The following NRG1 variants were observed in gnomAD, a reference collection of about 807,000 sequenced individuals.
The protein encoded by NRG1 is neuregulin 1, also known as pro-neuregulin-1, membrane-bound isoform.
A neutral mutation model predicts 63.8 loss-of-function variants in NRG1; 18 were observed. The ratio of observed to expected loss-of-function variants is 0.28; its 90% CI spans 0.19 to 0.42. The LOEUF is 0.42. Ranked by LOEUF, NRG1 falls within the 10% of genes least tolerant of loss-of-function variation. The pLI, the probability that NRG1 is intolerant of heterozygous loss-of-function variation, is 1.00. For synonymous variants in NRG1, 302 were observed against 301.3 expected (o/e 1.00, Z -0.02); for missense variants, 762 against 814.7 (o/e 0.94, Z 0.79).
chr8:32,314,845 C>A (rs1407824335), intron 1 of NRG1, among the ~76,000 whole-genome samples: 2 of 152,146 alleles, frequency 1.3e-5, no homozygotes, highest in Non-Finnish European at 2.9e-5. Context: ...CTCTATGCCC[C>A]AGCGATGCCA....
At chr8:32,180,653 A>G (rs1345105066) in intron 1 of NRG1, among the ~76,000 whole-genome samples, 1 of 152,090 alleles carries the variant, frequency 6.6e-6, no homozygotes, top group East Asian at 1.9e-4. Flanking sequence ...AAACATATAT[A>G]TGTATATTTA....
chr8:32,109,862 G>A lies in NRG1; in HGVS notation c.37+470431G>A, dbSNP rs539401095. ...TTATATTTTACTAGGTTTATTAGTT[G>A]CAGTCTCAGCCTCTAGGTTGCTAGA... On this transcript the variant is annotated intron_variant, in intron 1 of 10. Transcript: ENST00000519301. Among the ~76,000 whole-genome samples the A allele has an allele frequency of 5.9e-5, 9 of 152,206 alleles. No homozygotes were observed. The East Asian group carries it at 1.5e-3, about 26-fold the overall frequency.
At chr8:32,176,707 A>G (rs1840776034) in intron 1 of NRG1, among the ~76,000 whole-genome samples, 2 of 152,250 alleles carry the variant, frequency 1.3e-5, no homozygotes, top group Admixed American at 1.3e-4. Flanking sequence ...CATTTATGCA[A>G]CCAAAAGACA....
At chr8:31,702,656 A>C (rs989281490) in intron 1 of NRG1, among the ~76,000 whole-genome samples, 1 of 152,170 alleles carries the variant, frequency 6.6e-6, no homozygotes, top group Non-Finnish European at 1.5e-5. Context: ...TTGTTGAAGG[A>C]GGAAAACATT....
At chr8:32,160,675 T>C (rs982321461) in intron 1 of NRG1, among the ~76,000 whole-genome samples, 13 of 152,244 alleles carry the variant, frequency 8.5e-5, no homozygotes, top group Admixed American at 7.8e-4. Context: ...GCCAGAGTGC[T>C]TAGGGACACT....
At chr8:32,763,676 T>C in intron 11 of NRG1, 72 bp from the exon 12 acceptor site, 1 of 1,405,318 alleles carries the variant, frequency 7.1e-7, no homozygotes, top group Non-Finnish European at 9.6e-7. Flanking sequence ...CCGTGAACTC[T>C]GTCCCCTTAC....
At chr8:32,297,078 G>A (rs1854981404) in intron 1 of NRG1, among the ~76,000 whole-genome samples, 2 of 152,204 alleles carry the variant, frequency 1.3e-5, no homozygotes, top group Non-Finnish European at 2.9e-5. Flanking sequence ...TCGCGCCACT[G>A]CACTCCAGCC....
At chr8:32,430,950 T>C (rs993459937) in intron 1 of NRG1, among the ~76,000 whole-genome samples, 1 of 152,288 alleles carries the variant, frequency 6.6e-6, no homozygotes. Context: ...CAGTAGCTCA[T>C]AGTCTAGAGA....
intron 1 of NRG1, among the ~76,000 whole-genome samples, chr8:31,848,044 T>C (rs983419893): frequency 5.3e-5 from 8 of 152,190 alleles, no homozygotes; most frequent in Non-Finnish European, 1.0e-4. Context: ...AAGATTAAAT[T>C]CAGACAATTT....
intron 1 of NRG1, among the ~76,000 whole-genome samples, chr8:32,040,637 GTA>G (rs1196859259): frequency 6.9e-6 from 1 of 144,360 alleles, no homozygotes; most frequent in South Asian, 2.2e-4. Context: ...ACGTATGTAT[GTA>G]TATATATGTA....
intron 1 of NRG1, among the ~76,000 whole-genome samples, chr8:32,120,254 A>G (rs1452835296): frequency 6.6e-6 from 1 of 152,090 alleles, no homozygotes; most frequent in Admixed American, 6.6e-5. Context: ...AAAACTTTCA[A>G]ATTTATACTT....
chr8:32,651,560 C>A (rs1376764952), intron 5 of NRG1, among the ~76,000 whole-genome samples: 1 of 152,082 alleles, frequency 6.6e-6, no homozygotes, highest in Non-Finnish European at 1.5e-5. Flanking sequence ...AAAATGTTTT[C>A]TGGATATGAG....
chr8:32,364,957 C>CTT (rs372216683), intron 1 of NRG1, among the ~76,000 whole-genome samples: 7 of 108,438 alleles, frequency 6.5e-5, no homozygotes, highest in East Asian at 3.1e-4. Context: ...CCCTTTACTA[C>CTT]TTTTTTTTTT....
intron 1 of NRG1, among the ~76,000 whole-genome samples, chr8:32,054,890 T>C (rs1374517692): frequency 1.4e-4 from 7 of 49,796 alleles, no homozygotes; most frequent in Admixed American, 9.5e-4. Context: ...TTTTTTTTTT[T>C]TTTTTTTTTT....
intron 1 of NRG1, among the ~76,000 whole-genome samples, chr8:32,094,061 A>G (rs1200868684): frequency 6.6e-6 from 1 of 152,140 alleles, no homozygotes. Context: ...ACTTAAAGAG[A>G]TAGGGGGTTT....
chr8:31,681,417 G>C (rs1002285699), intron 1 of NRG1, among the ~76,000 whole-genome samples: 8 of 151,882 alleles, frequency 5.3e-5, no homozygotes, highest in Non-Finnish European at 1.0e-4. Context: ...ACTAATATGA[G>C]AAGATACACA....
chr8:31,854,986 A>G (rs1827693524), intron 1 of NRG1, among the ~76,000 whole-genome samples: 6 of 152,102 alleles, frequency 3.9e-5, no homozygotes, highest in Non-Finnish European at 7.4e-5. Context: ...ATAGTTTGTT[A>G]TAATTTCTGT....
At chr8:31,982,516 G>A (rs757904674) in intron 1 of NRG1, among the ~76,000 whole-genome samples, 5 of 151,342 alleles carry the variant, frequency 3.3e-5, no homozygotes, top group Non-Finnish European at 7.4e-5. Context: ...AACAGGAAGT[G>A]CTGAAAGAGC....
chr8:32,768,408 G>A (rs1251214792), downstream of NRG1, among the ~76,000 whole-genome samples: 1 of 152,118 alleles, frequency 6.6e-6, no homozygotes, highest in African/African-American at 2.4e-5. Flanking sequence ...GGCCTAAAAG[G>A]CAGCCAGTTG....
Sources: allele counts gnomAD v4.1 joint callset (sites outside exome capture counted in the v4.1 genomes callset), GRCh38; gene constraint gnomAD v4.1.1; transcripts MANE v1.5; gene names NCBI Gene and HGNC (gene_info 2026-07-23, HGNC 2026-07-21).